The following SLC1A2 variants were observed in gnomAD, a reference collection of about 807,000 sequenced individuals.
The protein encoded by SLC1A2 is solute carrier family 1 member 2, also known as excitatory amino acid transporter 2.
In SLC1A2, 15 loss-of-function variants were observed where a neutral mutation model predicts 48.8. That is an observed-to-expected ratio of 0.31 (90% CI 0.21 to 0.47). SLC1A2 has a LOEUF of 0.47. Ranked by LOEUF, SLC1A2 falls within the 20% of genes least tolerant of loss-of-function variation. The pLI is 0.99. For synonymous variants in SLC1A2, 279 were observed against 272.6 expected (o/e 1.02, Z -0.23); for missense variants, 502 against 730.5 (o/e 0.69, Z 3.61).
chr11:35,286,663 C>A (rs899267412), intron 8 of SLC1A2, 94 bp downstream of exon 8: 29 of 846,236 alleles, frequency 3.4e-5, no homozygotes, highest in Non-Finnish European at 5.2e-5. Flanking sequence ...CTTCCACCAG[C>A]AGAAATGAAA....
intron 1 of SLC1A2, among the ~76,000 whole-genome samples, chr11:35,406,102 C>T (rs1318706636): frequency 2.0e-5 from 3 of 152,186 alleles, no homozygotes; most frequent in African/African-American, 7.2e-5. Flanking sequence ...ACTTAGCACA[C>T]TCTGTTATGA....
rs141859082 is a variant in SLC1A2 at position 35,327,397 on chromosome 11, T to C, written c.18-9881A>G. Among the ~76,000 whole-genome samples the C allele has an allele frequency of 3.3e-5, 5 of 152,286 alleles. No individual in the cohort carries two copies. The East Asian group carries it at 7.7e-4, about 24-fold the overall frequency. ...TACTAATTTTGCCCAAAGAACACCTTATACTTTGGGAACATGTAAACATCT... is the reference window on the plus strand; with the variant it reads ...TACTAATTTTGCCCAAAGAACACCTCATACTTTGGGAACATGTAAACATCT... On this transcript the variant is annotated intron_variant, in intron 1 of 10. Transcript: ENST00000278379.
rs1950268511 is a variant in SLC1A2 at position 35,253,299 on chromosome 11, A to G, written c.*7595T>C. The G allele has an allele frequency of 6.6e-6, 1 of 152,630 alleles. No homozygotes were observed. The highest frequency in any genetic ancestry group is 1.5e-5 in the Non-Finnish European group (1 of 68,044). The allele number at this position is 152,630 out of a possible 1,614,324, so 9.5% of individuals were successfully genotyped here. On this transcript the variant is annotated 3_prime_UTR_variant, in exon 11 of 11. Coordinates refer to ENST00000278379, the MANE Select transcript of SLC1A2 (RefSeq NM_004171.4). Reference sequence around the variant, plus strand: ...TTAAAAATATGTGCTCAATTCACATAACAATGTGACATTTACCACTAATTT... The same window carrying G: ...TTAAAAATATGTGCTCAATTCACATGACAATGTGACATTTACCACTAATTT...
chr11:35,391,923 T>C (rs1854782027), intron 1 of SLC1A2, among the ~76,000 whole-genome samples: 1 of 152,178 alleles, frequency 6.6e-6, no homozygotes, highest in South Asian at 2.1e-4. Flanking sequence ...TGCAAATATT[T>C]AGCAGGGCTA....
rs756464780 is a variant in SLC1A2, at chr11:35,317,477, G to A, written c.57C>T (p.His19=). The change falls in exon 2 of 11, where the codon CAC becomes CAT. Residue 19 remains histidine (H), a synonymous_variant. Coordinates refer to ENST00000278379, the MANE Select transcript of SLC1A2 (RefSeq NM_004171.4). ...NMPKQVEVRM[H]DSHLGSEEPK... ...GTTCCTCTGAGCCAAGATGACTGTC[G>A]TGCATTCGCACTTCCACCTGCTTGG... 3.0e-5 allele frequency: 48 copies of A among 1,613,984 alleles called. No individual in the cohort carries two copies. Among genetic ancestry groups the A allele is most frequent in the Middle Eastern group, 1.6e-4 (1 of 6,082 alleles).
chr11:35,281,851 T>A (rs896186147), intron 8 of SLC1A2: 2 of 152,168 alleles, frequency 1.3e-5, no homozygotes, highest in African/African-American at 4.8e-5. Context: ...CAAAATGTCA[T>A]ATCAAAATAT....
chr11:35,352,670 G>A (rs964551702), intron 1 of SLC1A2, among the ~76,000 whole-genome samples: 1 of 152,040 alleles, frequency 6.6e-6, no homozygotes, highest in African/African-American at 2.4e-5. Context: ...CTGTCTCAGG[G>A]CATGCTCACT....
At chr11:35,352,011 AATG>A (rs1853277493) in intron 1 of SLC1A2, among the ~76,000 whole-genome samples, 1 of 152,200 alleles carries the variant, frequency 6.6e-6, no homozygotes, top group South Asian at 2.1e-4. Flanking sequence ...GCTATCTGTG[AATG>A]ATAAGATGAT....
chr11:35,389,048 AC>A (rs1854674567), intron 1 of SLC1A2, among the ~76,000 whole-genome samples: 1 of 152,316 alleles, frequency 6.6e-6, no homozygotes, highest in Non-Finnish European at 1.5e-5. Flanking sequence ...TATGCAATAT[AC>A]CCACGTAACA....
At chr11:35,271,413 T>A (rs1376591345) in intron 9 of SLC1A2, among the ~76,000 whole-genome samples, 3 of 152,106 alleles carry the variant, frequency 2.0e-5, no homozygotes, top group Admixed American at 2.0e-4. Flanking sequence ...AAGCAGACAG[T>A]CTAGGCTGGA....
intron 9 of SLC1A2, among the ~76,000 whole-genome samples, chr11:35,278,910 T>A (rs907443385): frequency 6.6e-6 from 1 of 152,066 alleles, no homozygotes; most frequent in South Asian, 2.1e-4. Flanking sequence ...TCCCAGCTAC[T>A]TAGGAGGCTG....
intron 6 of SLC1A2, 72 bp from the exon 7 acceptor site, chr11:35,292,592 C>T (rs1275393220): frequency 2.8e-5 from 23 of 833,668 alleles, no homozygotes; most frequent in South Asian, 3.3e-5. Context: ...CTCCTCTGTA[C>T]CGCACACTGA....
At chr11:35,263,141 T>C (rs1184299558) in intron 10 of SLC1A2, among the ~76,000 whole-genome samples, 1 of 152,192 alleles carries the variant, frequency 6.6e-6, no homozygotes, top group Non-Finnish European at 1.5e-5. Flanking sequence ...TCACATTTCC[T>C]TATAGGGCTT....
chr11:35,382,166 G>A lies in SLC1A2; in HGVS notation c.17+36784C>T, dbSNP rs545166776. Among the ~76,000 whole-genome samples, 11 of 152,310 alleles carry A rather than the reference G, an allele frequency of 7.2e-5. No individual in the cohort carries two copies. The Middle Eastern group carries it at 0.017, about 235-fold the overall frequency. ...TCAGCTCCATGTTCCTACAAGGCCCGTGGTAACCACTCTGCATTGCTGTCT... is the reference window on the plus strand; with the variant it reads ...TCAGCTCCATGTTCCTACAAGGCCCATGGTAACCACTCTGCATTGCTGTCT... On this transcript the variant is annotated intron_variant, in intron 1 of 10. Transcript: ENST00000278379.
At chr11:35,404,869 G>C (rs998987112) in intron 1 of SLC1A2, among the ~76,000 whole-genome samples, 3 of 152,220 alleles carry the variant, frequency 2.0e-5, no homozygotes, top group African/African-American at 4.8e-5. Flanking sequence ...TGTCAGAGCA[G>C]ACGAGAAAAC....
At chr11:35,313,282 C>T (rs1033079860) in intron 3 of SLC1A2, among the ~76,000 whole-genome samples, 2 of 152,108 alleles carry the variant, frequency 1.3e-5, no homozygotes, top group Non-Finnish European at 2.9e-5. Context: ...AACGATTTTG[C>T]CCAGTCCTCT....
chr11:35,349,079 G>A (rs1565265486), intron 1 of SLC1A2, among the ~76,000 whole-genome samples: 1 of 152,000 alleles, frequency 6.6e-6, no homozygotes, highest in Non-Finnish European at 1.5e-5. Flanking sequence ...GGATGGGAGT[G>A]GCAAGGTTCC....
intron 1 of SLC1A2, chr11:35,404,430 G>C (rs2135280598): frequency 6.6e-6 from 1 of 152,484 alleles, no homozygotes; most frequent in South Asian, 2.1e-4. Context: ...CTGGTGAATG[G>C]CAACTGCTGT....
Position 35,419,014 on chromosome 11 carries a change from G to A in SLC1A2, c.-48C>T, listed in dbSNP as rs1855698853. 6.5e-7 allele frequency: 1 copy of A among 1,535,482 alleles called. No individual in the cohort carries two copies. The highest frequency in any genetic ancestry group is 1.4e-5 in the African/African-American group (1 of 72,100). ...CTTCAGCACTATCCGGCAGCTGTGG[G>A]CGAGGGAGAAAGCGGACGCCGGGGT... On this transcript the variant is annotated 5_prime_UTR_variant, in exon 1 of 11. Coordinates refer to ENST00000278379, the MANE Select transcript of SLC1A2 (RefSeq NM_004171.4). This position sits in a 1 kb window ranked among gnomAD's most constrained non-coding sequence, Gnocchi z 5.4.
Sources: allele counts gnomAD v4.1 joint callset (sites outside exome capture counted in the v4.1 genomes callset), GRCh38; gene constraint gnomAD v4.1.1; non-coding constraint Gnocchi (gnomAD v3.1); transcripts MANE v1.5; gene names NCBI Gene and HGNC (gene_info 2026-07-23, HGNC 2026-07-21).